Variants in PPP6C observed in about 807,000 individuals in gnomAD.
PPP6C encodes the protein serine/threonine-protein phosphatase 6 catalytic subunit.
A neutral mutation model predicts 39.8 loss-of-function variants in PPP6C; 11 were observed. The ratio of observed to expected loss-of-function variants is 0.28; its 90% CI spans 0.17 to 0.46. PPP6C has a LOEUF of 0.46. Among genes scored for constraint, PPP6C ranks in the 20% least tolerant of loss-of-function variants. The probability of loss-of-function intolerance (pLI) is 1.00; values close to 1 mark genes in which losing one functional copy is unlikely to be tolerated. For synonymous variants in PPP6C, 129 were observed against 130.3 expected (o/e 0.99, Z 0.07); for missense variants, 211 against 373.9 (o/e 0.56, Z 3.59).
chr9:125,177,389 A>G (rs1017672943), intron 1 of PPP6C, among the ~76,000 whole-genome samples: 3 of 150,358 alleles, frequency 2.0e-5, no homozygotes, highest in African/African-American at 7.4e-5. Context: ...AACAAACAAA[A>G]AAAATCTTAA....
chr9:125,171,476 C>CATATATATAT lies in PPP6C; in HGVS notation c.76-297_76-296insATATATATAT, dbSNP rs1171225348. On this transcript the variant is annotated intron_variant, in intron 1 of 6. Transcript: ENST00000373547. ...ACACACATATACACACACACACACACACATATATATATATATATATATATA... is the reference window on the plus strand; with the variant it reads ...ACACACATATACACACACACACACACATATATATATACATATATATATATATATATATATA... Among the ~76,000 whole-genome samples the CATATATATAT allele has an allele frequency of 1.0e-3, 57 of 57,164 alleles. 1 individual carries two copies. The highest frequency in any genetic ancestry group is 1.9e-3 in the East Asian group (3 of 1,616). 37.5% of individuals were successfully genotyped at this position (57,164 alleles called of 152,430 possible). A position where few individuals can be genotyped will look rare whatever the true frequency, so the allele number is the denominator to read the frequency against.
At chr9:125,189,498 A>C in intron 1 of PPP6C, 146 bp downstream of exon 1, 2 of 1,456,162 alleles carry the variant, frequency 1.4e-6, no homozygotes, top group Non-Finnish European at 1.8e-6. Context: ...CCTCGGCGTG[A>C]CGCCGGGTAG....
intron 6 of PPP6C, chr9:125,151,683 C>A: frequency 2.1e-6 from 1 of 485,734 alleles, no homozygotes. Context: ...GAAGACCCAG[C>A]TTGCTCCAGT....
intron 1 of PPP6C, among the ~76,000 whole-genome samples, chr9:125,188,181 C>A (rs1262697910): frequency 6.6e-6 from 1 of 151,368 alleles, no homozygotes; most frequent in Non-Finnish European, 1.5e-5. Flanking sequence ...TTCAGGAGAT[C>A]GAGACCATCC....
Position 125,153,960 on chromosome 9 carries a change from A to G in PPP6C, c.405T>C (p.Asn135=). The change falls in exon 5 of 7, where the codon AAT becomes AAC. Residue 135 remains asparagine, a synonymous_variant. Coordinates refer to ENST00000373547, the MANE Select transcript of PPP6C (RefSeq NM_002721.5). ...TGGTACAGTATCTCCAGGCATTAGC[A>G]TTTCCATATTTGGTTTGGCACTCAT... is the stretch of plus-strand genomic sequence containing the variant. ...FYDECQTKYG[N]ANAWRYCTKV... is the part of the protein sequence containing the mutation. 1.2e-6 allele frequency: 2 copies of G among 1,610,998 alleles called. No individual in the cohort carries two copies. The highest frequency in any genetic ancestry group is 1.7e-6 in the Non-Finnish European group (2 of 1,177,242).
chr9:125,156,638 T>A (rs1836082437), intron 4 of PPP6C, among the ~76,000 whole-genome samples: 3 of 152,094 alleles, frequency 2.0e-5, no homozygotes, highest in African/African-American at 4.8e-5. Flanking sequence ...GGTTCTGCAA[T>A]TAATGTTTCC....
intron 2 of PPP6C, among the ~76,000 whole-genome samples, chr9:125,167,489 G>A (rs115748869): frequency 5.8e-4 from 87 of 150,962 alleles, no homozygotes; most frequent in African/African-American, 1.5e-3. Flanking sequence ...ATCACATGAG[G>A]TCAGGGGTTC....
Position 125,150,421 on chromosome 9 carries a change from G to GGTGT in PPP6C, c.670-504_670-501dup, listed in dbSNP as rs113973939. ...TGCTGGAGCACTTCCCAATATAAGG[G>GGTGT]GTGTGTGTGTGTGTGTGTGTGTGTT... On this transcript the variant is annotated intron_variant, in intron 6 of 6. Coordinates refer to ENST00000373547, the MANE Select transcript of PPP6C (RefSeq NM_002721.5). Among the ~76,000 whole-genome samples the GGTGT allele has an allele frequency of 5.0e-3, 755 of 149,902 alleles. 5 individuals are homozygous for GGTGT. The highest frequency in any genetic ancestry group is 0.015 in the African/African-American group (626 of 40,890).
At chr9:125,152,131 G>C (rs1476887745) in intron 6 of PPP6C, among the ~76,000 whole-genome samples, 7 of 152,184 alleles carry the variant, frequency 4.6e-5, no homozygotes, top group East Asian at 3.9e-4. Context: ...GGTGGTTGAG[G>C]GGGGAGGCAG....
At chr9:125,159,983 G>C (rs1287145747) in intron 3 of PPP6C, among the ~76,000 whole-genome samples, 1 of 151,560 alleles carries the variant, frequency 6.6e-6, no homozygotes, top group Admixed American at 6.6e-5. Context: ...TCGCACCACT[G>C]CACTCCAGCC....
intron 2 of PPP6C, among the ~76,000 whole-genome samples, chr9:125,164,788 G>A (rs1248626903): frequency 6.6e-6 from 1 of 152,036 alleles, no homozygotes; most frequent in Non-Finnish European, 1.5e-5. Context: ...ACCCAGACTG[G>A]AGTGCAGTGG....
intron 2 of PPP6C, among the ~76,000 whole-genome samples, chr9:125,162,457 CAAAAAAAAAAAA>C (rs977223135): frequency 5.8e-4 from 41 of 70,976 alleles, no homozygotes; most frequent in Non-Finnish European, 8.6e-4. Flanking sequence ...GATTCTGTCT[CAAAAAAAAAAAA>C]AAAAAAAAAA....
At position 125,169,099 on chromosome 9, in the gene PPP6C, T is replaced by G. The variant is rs367936128; in HGVS notation, c.171+1986A>C. On this transcript the variant is annotated intron_variant, in intron 2 of 6. Transcript: ENST00000373547. ...GAACACATACAACATAAACAATTGT[T>G]CACGGTTTGGTGGTGGTCTTAAAAT... 4.6e-5 allele frequency among the ~76,000 whole-genome samples: 7 copies of G among 152,336 alleles called. No homozygotes were observed. The South Asian group carries it at 1.0e-3, about 23-fold the overall frequency.
rs913067340 is a variant in PPP6C, at chr9:125,148,789, T to C, written c.*884A>G. On this transcript the variant is annotated 3_prime_UTR_variant, in exon 7 of 7. Transcript: ENST00000373547. ...AGTATTAAATGTTTTTCTATTACTA[T>C]AGAGGATATAAACCAAAACATTAAT... 1.3e-5 allele frequency: 2 copies of C among 152,206 alleles called. No individual in the cohort carries two copies. Among genetic ancestry groups the C allele is most frequent in the African/African-American group, 4.8e-5 (2 of 41,460 alleles). 9.4% of individuals were successfully genotyped at this position (152,206 alleles called of 1,614,324 possible). A position where few individuals can be genotyped will look rare whatever the true frequency, so the allele number is the denominator to read the frequency against.
rs1835844355 is a variant in PPP6C, at chr9:125,147,733, G to A, written c.*1940C>T. On this transcript the variant is annotated 3_prime_UTR_variant, in exon 7 of 7. Coordinates refer to ENST00000373547, the MANE Select transcript of PPP6C (RefSeq NM_002721.5). ...TAAGCTAAGGAGTGTCAAACAGGGA[G>A]GGCTGGGAGTTACCGGTTCTATTAG... is the stretch of plus-strand genomic sequence containing the variant. The A allele has an allele frequency of 1.3e-5, 2 of 152,070 alleles. No homozygotes were observed. Among genetic ancestry groups the A allele is most frequent in the South Asian group, 4.1e-4 (2 of 4,836 alleles). 9.4% of individuals were successfully genotyped at this position (152,070 alleles called of 1,614,324 possible). A position where few individuals can be genotyped will look rare whatever the true frequency, so the allele number is the denominator to read the frequency against.
rs199690154 is a variant in PPP6C at position 125,172,748 on chromosome 9, C to A, written c.76-1568G>T. Among the ~76,000 whole-genome samples the A allele has an allele frequency of 0.016, 2,298 of 141,060 alleles. 110 individuals are homozygous for A. The East Asian group carries it at 0.21, about 13-fold the overall frequency. The allele number at this position is 141,060 out of a possible 152,430, so 92.5% of individuals were successfully genotyped here. ...ACACACACACACACACACACACACA[C>A]ACAAACACACACACACACACACAAA... On this transcript the variant is annotated intron_variant, in intron 1 of 6. Coordinates refer to ENST00000373547, the MANE Select transcript of PPP6C (RefSeq NM_002721.5).
intron 6 of PPP6C, among the ~76,000 whole-genome samples, chr9:125,150,403 G>C (rs1835905455): frequency 6.8e-6 from 1 of 147,480 alleles, no homozygotes; most frequent in African/African-American, 2.5e-5. Flanking sequence ...TGATGCTGGA[G>C]CACTTCCCAA....
chr9:125,149,501 T>TCATTA lies in PPP6C; in HGVS notation c.*171_*172insTAATG. 1 of 817,158 alleles carries TCATTA rather than the reference T, an allele frequency of 1.2e-6. No individual in the cohort carries two copies. The highest frequency in any genetic ancestry group is 2.5e-5 in the South Asian group (1 of 39,444). 50.6% of individuals were successfully genotyped at this position (817,158 alleles called of 1,614,324 possible). ...GAAAATTGATAGAAAAACTTTGCTA[T>TCATTA]AGACACCACAACAAACAATAAATTT... On this transcript the variant is annotated 3_prime_UTR_variant, in exon 7 of 7. Coordinates refer to ENST00000373547, the MANE Select transcript of PPP6C (RefSeq NM_002721.5).
chr9:125,171,033 C>A, intron 2 of PPP6C, 52 bp downstream of exon 2: 1 of 1,217,758 alleles, frequency 8.2e-7, no homozygotes, highest in Non-Finnish European at 1.1e-6. Context: ...TGTGAAAACA[C>A]ACATGGATCA....
Sources: allele counts gnomAD v4.1 joint callset (sites outside exome capture counted in the v4.1 genomes callset), GRCh38; gene constraint gnomAD v4.1.1; transcripts MANE v1.5; gene names NCBI Gene and HGNC (gene_info 2026-07-23, HGNC 2026-07-21).